BANK1: variants seen among roughly 807,000 people sequenced by gnomAD.
BANK1 encodes the protein B-cell scaffold protein with ankyrin repeats.
Under a neutral mutation model 94.5 loss-of-function variants are expected in BANK1, and 95 were observed. The observed-to-expected ratio is 1.00, with a 90% CI of 0.85 to 1.19. The LOEUF (loss-of-function observed/expected upper bound fraction) is 1.19. Ranked by LOEUF, BANK1 falls within the 50% of genes most tolerant of loss-of-function variation. The probability of loss-of-function intolerance (pLI) is 0.00; values close to 1 mark genes in which losing one functional copy is unlikely to be tolerated. For missense variants in BANK1, 987 were observed against 932.2 expected (o/e 1.06, Z -0.77); for synonymous variants, 334 against 308.4 (o/e 1.08, Z -0.87).
intron 7 of BANK1, among the ~76,000 whole-genome samples, chr4:102,007,146 T>TATATATATATATATATATATA (rs1560682317): frequency 0.016 from 610 of 37,314 alleles, 9 homozygotes; most frequent in Non-Finnish European, 0.031. Context: ...AAAATATATT[T>TATATATATATATATATATATA]TATATATATA....
chr4:101,885,044 A>T (rs1728801879), intron 5 of BANK1, among the ~76,000 whole-genome samples: 1 of 152,064 alleles, frequency 6.6e-6, no homozygotes. Context: ...CAGTCTCCCG[A>T]GTAGCTGGGG....
chr4:102,027,595 C>T, intron 9 of BANK1, among the ~76,000 whole-genome samples: 1 of 148,822 alleles, frequency 6.7e-6, no homozygotes, highest in Admixed American at 6.8e-5. Context: ...CTTTGTATGT[C>T]TTTGACTTTG....
At chr4:101,894,029 G>T (rs1465848033) in intron 5 of BANK1, among the ~76,000 whole-genome samples, 1 of 151,978 alleles carries the variant, frequency 6.6e-6, no homozygotes, top group Non-Finnish European at 1.5e-5. Flanking sequence ...TTGTGTGTAT[G>T]GTCATCTCAA....
intron 7 of BANK1, among the ~76,000 whole-genome samples, chr4:101,997,203 A>G (rs557355585): frequency 7.7e-4 from 117 of 152,136 alleles, no homozygotes; most frequent in African/African-American, 2.5e-3. Context: ...GGTTCTTGTC[A>G]TTGGTTCTGT....
At chr4:101,803,233 A>G (rs1482666839) in intron 1 of BANK1, among the ~76,000 whole-genome samples, 1 of 151,854 alleles carries the variant, frequency 6.6e-6, no homozygotes, top group African/African-American at 2.4e-5. Context: ...TTTCAGTTAT[A>G]TTTTCTTTAG....
intron 7 of BANK1, among the ~76,000 whole-genome samples, chr4:101,960,707 G>A (rs1477618774): frequency 3.3e-5 from 5 of 152,078 alleles, no homozygotes; most frequent in East Asian, 1.9e-4. Context: ...TTGCTCAGAC[G>A]TACCAAAACT....
intron 7 of BANK1, among the ~76,000 whole-genome samples, chr4:101,965,179 A>C (rs558180545): frequency 6.6e-6 from 1 of 152,000 alleles, no homozygotes; most frequent in East Asian, 1.9e-4. Flanking sequence ...ACCTATTCCT[A>C]TGTCTAATAT....
chr4:101,909,277 C>A (rs924640707), intron 6 of BANK1, among the ~76,000 whole-genome samples: 2 of 152,094 alleles, frequency 1.3e-5, no homozygotes, highest in African/African-American at 4.8e-5. Context: ...TCATTCTCAG[C>A]AAACTATCAC....
chr4:101,943,668 T>C (rs1723826674), intron 7 of BANK1, among the ~76,000 whole-genome samples: 2 of 151,906 alleles, frequency 1.3e-5, no homozygotes, highest in Non-Finnish European at 1.5e-5. Flanking sequence ...TAGTAGGCAG[T>C]TCTGGGCTGC....
chr4:101,827,381 TA>T (rs566112281), intron 1 of BANK1, among the ~76,000 whole-genome samples: 149 of 152,012 alleles, frequency 9.8e-4, no homozygotes, highest in African/African-American at 3.4e-3. Flanking sequence ...GGAAAAATGA[TA>T]CAAAAAATAT....
At chr4:101,858,147 A>T (rs13140171) in intron 3 of BANK1, among the ~76,000 whole-genome samples, 17,309 of 152,180 alleles carry the variant, frequency 0.11, 1,286 homozygotes, top group East Asian at 0.24. Flanking sequence ...AGTCCATTAC[A>T]CCGGCAAACT....
In BANK1 at chr4:101,890,685, T is replaced by G. The variant is rs28585500; in HGVS notation, c.904-4620T>G. Among the ~76,000 whole-genome samples, 1,044 of 149,994 alleles carry G rather than the reference T, an allele frequency of 7.0e-3. 13 individuals carry two copies. Among genetic ancestry groups the G allele is most frequent in the African/African-American group, 0.024 (974 of 41,244 alleles). On this transcript the variant is annotated intron_variant, in intron 5 of 16. Transcript: ENST00000322953. ...AATCATATTTTTAAATCCACTCTAT[T>G]TTTTGTTTTTAATTTTCTCTGTTTT...
chr4:101,918,963 A>AT (rs1374072492), intron 7 of BANK1, among the ~76,000 whole-genome samples: 1 of 151,824 alleles, frequency 6.6e-6, no homozygotes, highest in Admixed American at 6.6e-5. Context: ...TAAACTACTA[A>AT]TTTTTTGTCT....
intron 7 of BANK1, among the ~76,000 whole-genome samples, chr4:101,918,849 C>T (rs913355619): frequency 6.6e-6 from 1 of 151,768 alleles, no homozygotes; most frequent in Non-Finnish European, 1.5e-5. Context: ...CAGATTAAGC[C>T]AATCTAATTA....
At chr4:101,851,442 G>A (rs1306633716) in intron 2 of BANK1, among the ~76,000 whole-genome samples, 2 of 152,188 alleles carry the variant, frequency 1.3e-5, no homozygotes, top group Non-Finnish European at 2.9e-5. Flanking sequence ...AGGCACAACT[G>A]TATGCACTAG....
At chr4:102,058,841 A>C (rs1197468182) in intron 11 of BANK1, among the ~76,000 whole-genome samples, 1 of 151,904 alleles carries the variant, frequency 6.6e-6, no homozygotes, top group Non-Finnish European at 1.5e-5. Context: ...AAAATAAAGA[A>C]GAAAGAAAGA....
At chr4:101,935,168 A>AATT (rs1254770270) in intron 7 of BANK1, among the ~76,000 whole-genome samples, 1 of 151,544 alleles carries the variant, frequency 6.6e-6, no homozygotes, top group Non-Finnish European at 1.5e-5. Context: ...GTTTTTATTT[A>AATT]ATTAACAATC....
chr4:102,007,133 TAAAAA>T (rs1187828707), intron 7 of BANK1, among the ~76,000 whole-genome samples: 12 of 44,688 alleles, frequency 2.7e-4, no homozygotes, highest in Admixed American at 4.9e-4. Context: ...TATATATATA[TAAAAA>T]ATATATTTTA....
intron 2 of BANK1, among the ~76,000 whole-genome samples, chr4:101,844,895 T>A (rs1047238888): frequency 6.6e-6 from 1 of 150,528 alleles, no homozygotes; most frequent in Non-Finnish European, 1.5e-5. Flanking sequence ...TAGACCTAAC[T>A]GGGAAGGGTC....
Sources: allele counts gnomAD v4.1 joint callset (sites outside exome capture counted in the v4.1 genomes callset), GRCh38; gene constraint gnomAD v4.1.1; transcripts MANE v1.5; gene names NCBI Gene and HGNC (gene_info 2026-07-23, HGNC 2026-07-21).